OSBPL1A: variants seen among roughly 807,000 people sequenced by gnomAD.
The protein encoded by OSBPL1A is oxysterol binding protein like 1A, also known as oxysterol-binding protein-related protein 1.
Under a neutral mutation model 137.1 loss-of-function variants are expected in OSBPL1A, and 80 were observed. The ratio of observed to expected loss-of-function variants is 0.58; its 90% CI spans 0.49 to 0.70. The LOEUF is 0.70. Ranked by LOEUF, OSBPL1A falls within the 30% of genes least tolerant of loss-of-function variation. The pLI is 0.00. For synonymous variants in OSBPL1A, 365 were observed against 389.7 expected (o/e 0.94, Z 0.75); for missense variants, 970 against 1,129.4 (o/e 0.86, Z 2.02).
intron 15 of OSBPL1A, chr18:24,272,324 C>T (rs1249881225): frequency 1.0e-6 from 1 of 969,278 alleles, no homozygotes; most frequent in Non-Finnish European, 1.2e-6. Context: ...TCTCTCCAGT[C>T]CTGCCTGTCA....
At chr18:24,170,729 C>G (rs2086258313) in intron 23 of OSBPL1A, 1 of 343,924 alleles carries the variant, frequency 2.9e-6, no homozygotes, top group East Asian at 6.5e-5. Context: ...TCACTGTAGC[C>G]TCAACCTCCT....
intron 1 of OSBPL1A, among the ~76,000 whole-genome samples, chr18:24,393,895 T>G (rs568633970): frequency 6.6e-6 from 1 of 152,354 alleles, no homozygotes; most frequent in African/African-American, 2.4e-5. Flanking sequence ...ATTTATTAAC[T>G]GAAAAGAATA....
At chr18:24,326,533 CG>C (rs1159811692) in intron 7 of OSBPL1A, among the ~76,000 whole-genome samples, 4 of 152,210 alleles carry the variant, frequency 2.6e-5, no homozygotes, top group African/African-American at 9.7e-5. Context: ...AGTGGAGTCA[CG>C]GGGCAGCCAT....
At chr18:24,377,304 TGA>T in intron 2 of OSBPL1A, 107 bp downstream of exon 2, 1 of 1,321,864 alleles carries the variant, frequency 7.6e-7, no homozygotes, top group Non-Finnish European at 1.0e-6. Flanking sequence ...CTTCCTAGCA[TGA>T]GAGATAGAGA....
At chr18:24,352,256 T>C (rs1368692896) in intron 4 of OSBPL1A, among the ~76,000 whole-genome samples, 1 of 152,108 alleles carries the variant, frequency 6.6e-6, no homozygotes. Flanking sequence ...GAACAGTGAT[T>C]GTGCCACCGC....
At chr18:24,170,042 T>C (rs563363142) in intron 24 of OSBPL1A, among the ~76,000 whole-genome samples, 5 of 152,344 alleles carry the variant, frequency 3.3e-5, no homozygotes, top group African/African-American at 9.6e-5. Context: ...AGAAAATGTT[T>C]CATTAAGATG....
chr18:24,268,262 C>T (rs2089631233), intron 15 of OSBPL1A, among the ~76,000 whole-genome samples: 1 of 152,072 alleles, frequency 6.6e-6, no homozygotes, highest in Non-Finnish European at 1.5e-5. Flanking sequence ...ACCACAGGTG[C>T]ACACCACCAC....
chr18:24,283,317 C>T (rs1222917035), intron 14 of OSBPL1A, among the ~76,000 whole-genome samples: 1 of 134,674 alleles, frequency 7.4e-6, no homozygotes, highest in African/African-American at 2.8e-5. Flanking sequence ...TATATATACA[C>T]ACACACACAG....
intron 17 of OSBPL1A, among the ~76,000 whole-genome samples, chr18:24,206,529 G>C (rs1377274220): frequency 6.6e-6 from 1 of 152,206 alleles, no homozygotes; most frequent in East Asian, 1.9e-4. Flanking sequence ...AATGACGAAA[G>C]AACATACTAA....
chr18:24,345,257 G>A (rs1444063729), intron 4 of OSBPL1A, among the ~76,000 whole-genome samples: 2 of 152,158 alleles, frequency 1.3e-5, no homozygotes, highest in Non-Finnish European at 2.9e-5. Context: ...AGTCAGCCTC[G>A]TTAAAGTGTA....
intron 17 of OSBPL1A, among the ~76,000 whole-genome samples, chr18:24,201,228 A>C (rs1173197689): frequency 6.6e-6 from 1 of 152,048 alleles, no homozygotes; most frequent in Non-Finnish European, 1.5e-5. Flanking sequence ...CAGCACAATA[A>C]CTGGTTTTTA....
intron 18 of OSBPL1A, among the ~76,000 whole-genome samples, chr18:24,182,426 G>C (rs1318404930): frequency 6.6e-6 from 1 of 152,202 alleles, no homozygotes; most frequent in Admixed American, 6.5e-5. Context: ...TTGGGAATCA[G>C]GTCTTTCATG....
chr18:24,298,659 C>G (rs1195493862), intron 14 of OSBPL1A, among the ~76,000 whole-genome samples: 1 of 152,184 alleles, frequency 6.6e-6, no homozygotes, highest in African/African-American at 2.4e-5. Context: ...TGAAATCTTT[C>G]TTGCATGAGA....
Position 24,251,791 on chromosome 18 carries a change from T to C in OSBPL1A, c.1282-12409A>G, listed in dbSNP as rs116200178. 7.2e-3 allele frequency among the ~76,000 whole-genome samples: 1,100 copies of C among 152,244 alleles called. 18 individuals carry two copies. The highest frequency in any genetic ancestry group is 0.026 in the African/African-American group (1,060 of 41,518). On this transcript the variant is annotated intron_variant, in intron 15 of 27. Transcript: ENST00000319481. ...GTGACATTTCAGAGTGAATTCAAAA[T>C]AGTCATTTTGAGGAAACTCAAAAAA...
chr18:24,234,158 T>G (rs1462100187), intron 16 of OSBPL1A, among the ~76,000 whole-genome samples: 1 of 152,208 alleles, frequency 6.6e-6, no homozygotes, highest in Non-Finnish European at 1.5e-5. Context: ...AAGAACCACT[T>G]TCTTCTTCTA....
intron 21 of OSBPL1A, among the ~76,000 whole-genome samples, chr18:24,177,745 T>C (rs1157405810): frequency 1.3e-5 from 2 of 152,246 alleles, no homozygotes; most frequent in Non-Finnish European, 2.9e-5. Context: ...ATAAGAACTG[T>C]CATGAAGCAA....
chr18:24,207,519 T>C (rs2087409795), intron 17 of OSBPL1A, among the ~76,000 whole-genome samples: 1 of 152,230 alleles, frequency 6.6e-6, no homozygotes, highest in Non-Finnish European at 1.5e-5. Context: ...TTGATCTGTA[T>C]ATTTAGAAAA....
intron 14 of OSBPL1A, among the ~76,000 whole-genome samples, chr18:24,289,408 G>GT: frequency 9.5e-6 from 1 of 105,004 alleles, no homozygotes; most frequent in South Asian, 2.9e-4. Flanking sequence ...ACTGTTTATT[G>GT]TTTTTTCCTG....
chr18:24,375,711 T>C (rs1906058839), intron 2 of OSBPL1A, among the ~76,000 whole-genome samples: 1 of 152,214 alleles, frequency 6.6e-6, no homozygotes, highest in African/African-American at 2.4e-5. Context: ...TCTGATCTGT[T>C]AATCTACTAG....
Sources: allele counts gnomAD v4.1 joint callset (sites outside exome capture counted in the v4.1 genomes callset), GRCh38; gene constraint gnomAD v4.1.1; transcripts MANE v1.5; gene names NCBI Gene and HGNC (gene_info 2026-07-23, HGNC 2026-07-21).